Variants in FOXP1 observed in about 807,000 individuals in gnomAD.
The protein encoded by FOXP1 is forkhead box protein P1.
In FOXP1, 15 loss-of-function variants were observed where a neutral mutation model predicts 98.2. The observed-to-expected ratio is 0.15, with a 90% CI of 0.10 to 0.24. The LOEUF (loss-of-function observed/expected upper bound fraction) is 0.24, where lower values mean the gene tolerates loss of function less well. FOXP1 is among the 10% of genes least tolerant of loss of function. The probability of loss-of-function intolerance (pLI) is 1.00; values close to 1 mark genes in which losing one functional copy is unlikely to be tolerated. For missense variants in FOXP1, 633 were observed against 848.5 expected, an observed-to-expected ratio of 0.75 and a Z score of 3.15; for synonymous variants, 371 against 314.5, an observed-to-expected ratio of 1.18 and a Z score of -1.90.
chr3:70,996,357 C>T lies in FOXP1; in HGVS notation c.1062+4615G>A, dbSNP rs1381210222. Among the ~76,000 whole-genome samples, 3 of 152,174 alleles carry T rather than the reference C, an allele frequency of 2.0e-5. No homozygotes were observed. In the East Asian group the frequency reaches 5.8e-4, roughly 29 times the overall value. On this transcript the variant is annotated intron_variant, in intron 13 of 20. Coordinates refer to ENST00000649528, the MANE Select transcript of FOXP1 (RefSeq NM_001349338.3). ...ACAGTGCTGATTAGACAGTCTAAAT[C>T]AGTCTCCACAACCCATTGTCTTTAT...
chr3:71,196,056 G>A (rs569659148), intron 6 of FOXP1, among the ~76,000 whole-genome samples: 15 of 152,274 alleles, frequency 9.9e-5, no homozygotes, highest in Non-Finnish European at 7.4e-5. Context: ...GACTTCAAAA[G>A]GCTTTGCTAA....
At chr3:71,494,224 C>A (rs1242035913) in intron 2 of FOXP1, among the ~76,000 whole-genome samples, 1 of 152,190 alleles carries the variant, frequency 6.6e-6, no homozygotes, top group Non-Finnish European at 1.5e-5. Context: ...AGCCATTTAT[C>A]ATCTCGATTC....
chr3:70,976,187 A>G (rs2037477716), intron 17 of FOXP1, among the ~76,000 whole-genome samples: 1 of 150,924 alleles, frequency 6.6e-6, no homozygotes, highest in South Asian at 2.1e-4. Flanking sequence ...GTAGCTGTTG[A>G]CCACAGGTGC....
At chr3:71,459,939 T>G (rs1382554657) in intron 3 of FOXP1, among the ~76,000 whole-genome samples, 1 of 151,146 alleles carries the variant, frequency 6.6e-6, no homozygotes, top group East Asian at 1.9e-4. Flanking sequence ...TTCTTTTTTT[T>G]TTTTCTTTTT....
At chr3:71,464,596 C>A (rs1247545548) in intron 3 of FOXP1, among the ~76,000 whole-genome samples, 2 of 152,146 alleles carry the variant, frequency 1.3e-5, no homozygotes, top group African/African-American at 2.4e-5. Context: ...ATGCCCTCCC[C>A]CCGACCTGGC....
intron 3 of FOXP1, among the ~76,000 whole-genome samples, chr3:71,473,599 T>C (rs1013631468): frequency 5.9e-5 from 9 of 152,170 alleles, no homozygotes; most frequent in African/African-American, 1.9e-4. Context: ...ATACAACTGA[T>C]GTATAACTGC....
intron 3 of FOXP1, among the ~76,000 whole-genome samples, chr3:71,477,177 A>G (rs1224622569): frequency 1.3e-5 from 2 of 152,162 alleles, no homozygotes; most frequent in Admixed American, 1.3e-4. Context: ...CCCCCAGAAG[A>G]TCCACCAAAA....
chr3:71,581,570 T>TAGGA lies in FOXP1; in HGVS notation c.-323_-320dup, dbSNP rs2048173554. 4.1e-6 allele frequency: 4 copies of TAGGA among 984,762 alleles called. No individual in the cohort carries two copies. The highest frequency in any genetic ancestry group is 4.8e-6 in the Non-Finnish European group (4 of 829,818). 61.0% of individuals were successfully genotyped at this position (984,762 alleles called of 1,614,324 possible). On this transcript the variant is annotated 5_prime_UTR_variant, in exon 2 of 21. Transcript: ENST00000649528. ...TTACCCGCGGAGTCCGGGGAGGGAG[T>TAGGA]AGGAGCGCCGCCTTCACGCCCGCGG...
chr3:71,271,301 G>A (rs1250110391), intron 5 of FOXP1, among the ~76,000 whole-genome samples: 2 of 152,190 alleles, frequency 1.3e-5, no homozygotes, highest in Non-Finnish European at 2.9e-5. Context: ...CAAATGTAGG[G>A]AGAGAGAAAA....
At chr3:71,039,480 A>C (rs982760327) in intron 11 of FOXP1, among the ~76,000 whole-genome samples, 5 of 152,186 alleles carry the variant, frequency 3.3e-5, no homozygotes, top group Non-Finnish European at 7.3e-5. Flanking sequence ...CTTTTAGAAA[A>C]TGAAACTGAG....
intron 3 of FOXP1, among the ~76,000 whole-genome samples, chr3:71,362,388 G>A (rs758067042): frequency 2.0e-5 from 3 of 152,170 alleles, no homozygotes; most frequent in South Asian, 2.1e-4. Context: ...AGCCAGGATG[G>A]TCTGGATCTC....
At chr3:71,163,194 G>A (rs141189813) in intron 6 of FOXP1, among the ~76,000 whole-genome samples, 1 of 152,126 alleles carries the variant, frequency 6.6e-6, no homozygotes, top group Non-Finnish European at 1.5e-5. Context: ...CACATCCAGG[G>A]TATGTCTTTA....
chr3:71,084,316 C>T (rs559583121), intron 7 of FOXP1, among the ~76,000 whole-genome samples: 2 of 152,002 alleles, frequency 1.3e-5, no homozygotes, highest in South Asian at 4.2e-4. Context: ...GTTCTCAGTC[C>T]AGTGGGTTTT....
At chr3:71,391,641 T>C (rs548674621) in intron 3 of FOXP1, among the ~76,000 whole-genome samples, 1 of 152,364 alleles carries the variant, frequency 6.6e-6, no homozygotes, top group Admixed American at 6.5e-5. Flanking sequence ...GGAGCGTTAC[T>C]ACACTGAACA....
intron 5 of FOXP1, among the ~76,000 whole-genome samples, chr3:71,259,797 G>A (rs1010197493): frequency 6.6e-6 from 1 of 152,198 alleles, no homozygotes; most frequent in Non-Finnish European, 1.5e-5. Context: ...ACTTAGTGAT[G>A]TGGATGCCAC....
intron 2 of FOXP1, among the ~76,000 whole-genome samples, chr3:71,516,319 T>C (rs1169407135): frequency 6.6e-6 from 1 of 151,958 alleles, no homozygotes; most frequent in Non-Finnish European, 1.5e-5. Flanking sequence ...TCTGAGAGTA[T>C]GAGAAGGAGG....
intron 4 of FOXP1, among the ~76,000 whole-genome samples, chr3:71,316,654 C>A (rs1279869592): frequency 2.0e-5 from 3 of 151,314 alleles, no homozygotes; most frequent in African/African-American, 7.3e-5. Context: ...CTTCTTAGGG[C>A]ATATTCTTTT....
chr3:71,170,903 T>A (rs951403024), intron 6 of FOXP1, among the ~76,000 whole-genome samples: 2 of 152,164 alleles, frequency 1.3e-5, no homozygotes, highest in African/African-American at 4.8e-5. Flanking sequence ...AACACAGTTG[T>A]TTTAGTCCGT....
At chr3:71,461,364 A>G (rs2088082298) in intron 3 of FOXP1, among the ~76,000 whole-genome samples, 1 of 152,164 alleles carries the variant, frequency 6.6e-6, no homozygotes, top group Non-Finnish European at 1.5e-5. Flanking sequence ...CCCAGAAACG[A>G]GTGTTCAAGG....
Sources: gnomAD v4.1 joint callset for allele counts (sites outside exome capture counted in the v4.1 genomes callset) on GRCh38, gnomAD v4.1.1 for gene constraint, MANE v1.5 for transcripts, NCBI Gene and HGNC (gene_info 2026-07-23, HGNC 2026-07-21) for gene names.